PCDH15: variants seen among roughly 807,000 people sequenced by gnomAD.
The protein encoded by PCDH15 is protocadherin related 15.
In PCDH15, 129 loss-of-function variants were observed where a neutral mutation model predicts 178.5. The ratio of observed to expected loss-of-function variants is 0.72; its 90% CI spans 0.63 to 0.84. PCDH15 has a LOEUF of 0.84. Among genes scored for constraint, PCDH15 ranks in the 40% least tolerant of loss-of-function variants. PCDH15 has a pLI of 0.00. For missense variants in PCDH15, 2,230 were observed against 2,099.9 expected (o/e 1.06, Z -1.21); for synonymous variants, 800 against 732.0 (o/e 1.09, Z -1.50).
At chr10:55,043,098 T>C (rs1430280521) in intron 2 of PCDH15, among the ~76,000 whole-genome samples, 4 of 152,142 alleles carry the variant, frequency 2.6e-5, no homozygotes, top group African/African-American at 2.4e-5. Context: ...CTAAGGAATG[T>C]TTTTAGAACC....
chr10:54,375,780 TTTGAA>T (rs1948304838), intron 4 of PCDH15, among the ~76,000 whole-genome samples: 10 of 146,088 alleles, frequency 6.8e-5, no homozygotes, highest in African/African-American at 2.3e-4. Flanking sequence ...TATATATATA[TTTGAA>T]ATGGAATATA....
intron 2 of PCDH15, among the ~76,000 whole-genome samples, chr10:55,083,043 T>C (rs1423411779): frequency 6.6e-6 from 1 of 151,828 alleles, no homozygotes; most frequent in Non-Finnish European, 1.5e-5. Context: ...CCAAGCTCAT[T>C]ATACAAAGTC....
chr10:55,071,185 A>ATTTTGC (rs1841735677), intron 2 of PCDH15, among the ~76,000 whole-genome samples: 1 of 152,182 alleles, frequency 6.6e-6, no homozygotes, highest in Non-Finnish European at 1.5e-5. Context: ...AAGAAACTGA[A>ATTTTGC]TCAACTAATG....
intron 1 of PCDH15, among the ~76,000 whole-genome samples, chr10:54,680,634 G>A (rs762539528): frequency 1.4e-4 from 21 of 152,112 alleles, no homozygotes; most frequent in East Asian, 3.9e-4. Flanking sequence ...ATTGAATCAC[G>A]GGGCATTTTC....
intron 1 of PCDH15, among the ~76,000 whole-genome samples, chr10:55,212,256 C>T (rs1840589944): frequency 6.6e-6 from 1 of 152,090 alleles, no homozygotes; most frequent in Non-Finnish European, 1.5e-5. Flanking sequence ...AAATGACACA[C>T]CTAGTCCAAC....
At chr10:55,314,731 G>C (rs1056495779) in intron 1 of PCDH15, among the ~76,000 whole-genome samples, 1 of 152,188 alleles carries the variant, frequency 6.6e-6, no homozygotes, top group Admixed American at 6.5e-5. Context: ...ATCTTAAGTA[G>C]CTCAGTTACG....
At chr10:53,981,494 G>A (rs890501828) in intron 21 of PCDH15, among the ~76,000 whole-genome samples, 1 of 152,080 alleles carries the variant, frequency 6.6e-6, no homozygotes, top group African/African-American at 2.4e-5. Context: ...GAACAGAAAA[G>A]AGCCTTCAGA....
At chr10:54,797,957 C>G (rs146789414) in intron 1 of PCDH15, among the ~76,000 whole-genome samples, 24 of 152,114 alleles carry the variant, frequency 1.6e-4, no homozygotes, top group African/African-American at 5.3e-4. Flanking sequence ...GTCGCTCTCA[C>G]ATTCAAAACT....
At chr10:54,206,168 T>A (rs78786148) in intron 10 of PCDH15, among the ~76,000 whole-genome samples, 2,595 of 152,244 alleles carry the variant, frequency 0.017, 39 homozygotes, top group Non-Finnish European at 0.023. Flanking sequence ...CTCAAAGCTC[T>A]TGTATACCTT....
intron 1 of PCDH15, among the ~76,000 whole-genome samples, chr10:55,230,724 G>T (rs965240959): frequency 6.6e-6 from 1 of 152,024 alleles, no homozygotes; most frequent in Non-Finnish European, 1.5e-5. Flanking sequence ...CAGATAAGTA[G>T]AAAATTTTAT....
intron 14 of PCDH15, among the ~76,000 whole-genome samples, chr10:54,146,858 C>G (rs1264700367): frequency 7.0e-6 from 1 of 143,422 alleles, no homozygotes; most frequent in Non-Finnish European, 1.5e-5. Flanking sequence ...CTGGGTCGAT[C>G]TGTAAAAAAA....
intron 2 of PCDH15, among the ~76,000 whole-genome samples, chr10:55,071,726 T>C (rs1175621544): frequency 6.6e-6 from 1 of 152,128 alleles, no homozygotes; most frequent in Non-Finnish European, 1.5e-5. Flanking sequence ...GGAATTGAAC[T>C]CATCTCTGCA....
intron 2 of PCDH15, among the ~76,000 whole-genome samples, chr10:55,613,270 C>G (rs541510266): frequency 6.6e-6 from 1 of 152,174 alleles, no homozygotes; most frequent in African/African-American, 2.4e-5. Flanking sequence ...TTGAAGGGAA[C>G]TGGTGACACT....
intron 2 of PCDH15, among the ~76,000 whole-genome samples, chr10:54,624,983 C>A (rs568565810): frequency 6.6e-6 from 1 of 152,090 alleles, no homozygotes; most frequent in Non-Finnish European, 1.5e-5. Flanking sequence ...ACACAATACA[C>A]GTAATGCACT....
intron 15 of PCDH15, among the ~76,000 whole-genome samples, chr10:54,116,264 G>A (rs1424961276): frequency 6.7e-6 from 1 of 149,030 alleles, no homozygotes; most frequent in Non-Finnish European, 1.5e-5. Context: ...AGCCATTTGA[G>A]TGGATTAATG....
At chr10:54,453,837 GAGCCCTCAGAGGAAGTAC>G in intron 3 of PCDH15, among the ~76,000 whole-genome samples, 1 of 151,808 alleles carries the variant, frequency 6.6e-6, no homozygotes, top group Non-Finnish European at 1.5e-5. Context: ...TCCTTCCCTA[GAGCCCTCAGAGGAAGTAC>G]AGCCCTCAGA....
chr10:54,443,825 A>T (rs114070196), intron 3 of PCDH15, among the ~76,000 whole-genome samples: 1 of 151,622 alleles, frequency 6.6e-6, no homozygotes, highest in Non-Finnish European at 1.5e-5. Flanking sequence ...TCTGACTTCC[A>T]TCAGCTCACC....
intron 2 of PCDH15, among the ~76,000 whole-genome samples, chr10:54,610,586 C>T (rs2092929505): frequency 1.3e-5 from 2 of 151,954 alleles, no homozygotes; most frequent in Non-Finnish European, 2.9e-5. Context: ...ACAAAACAAT[C>T]CCTGGCTTTT....
At position 53,924,458 on chromosome 10, in the gene PCDH15, G is replaced by A. The variant is rs2084302445; in HGVS notation, c.3373+14357C>T. Among the ~76,000 whole-genome samples the A allele has an allele frequency of 2.0e-5, 3 of 152,224 alleles. No homozygotes were observed. The South Asian group carries it at 6.2e-4, about 32-fold the overall frequency. ...GACCTGCAGCCCGCCATGCTGGAGT[G>A]TCCCCCCGCCGTGGGCTCCTGTGCA... On this transcript the variant is annotated intron_variant, in intron 25 of 37. Coordinates refer to ENST00000644397, the MANE Select transcript of PCDH15 (RefSeq NM_001384140.1).
Sources: allele counts gnomAD v4.1 joint callset (sites outside exome capture counted in the v4.1 genomes callset), GRCh38; gene constraint gnomAD v4.1.1; transcripts MANE v1.5; gene names NCBI Gene and HGNC (gene_info 2026-07-23, HGNC 2026-07-21).